Variants in SGCD observed in about 807,000 individuals in gnomAD.
SGCD encodes delta-sarcoglycan.
A neutral mutation model predicts 36.6 loss-of-function variants in SGCD; 18 were observed. The observed-to-expected ratio is 0.49, with a 90% confidence interval of 0.34 to 0.73. The LOEUF (loss-of-function observed/expected upper bound fraction) is 0.73, where lower values mean the gene tolerates loss of function less well. SGCD is among the 30% of genes least tolerant of loss of function. SGCD has a pLI of 0.01. For missense variants in SGCD, 387 were observed against 346.7 expected, an observed-to-expected ratio of 1.12 and a Z score of -0.92; for synonymous variants, 133 against 130.6, an observed-to-expected ratio of 1.02 and a Z score of -0.12.
At chr5:156,229,289 T>C (rs1363207388) in intron 3 of SGCD, among the ~76,000 whole-genome samples, 2 of 119,886 alleles carry the variant, frequency 1.7e-5, no homozygotes, top group Non-Finnish European at 3.4e-5. Context: ...TATATATATA[T>C]ATATATATAT....
At position 156,763,643 on chromosome 5, in the gene SGCD, G is replaced by T. The variant is rs1341482253; in HGVS notation, c.*4253G>T. The stretch of plus-strand genomic sequence containing the variant: ...GACATCTCTGCTTGTGTGTGGTAAG[G>T]CAGGTTCCTATCAGACATTTATCCC... On this transcript the variant is annotated 3_prime_UTR_variant, in exon 9 of 9. Transcript: ENST00000337851. The T allele has an allele frequency of 6.6e-6, 1 of 151,944 alleles. No homozygotes were observed. Among genetic ancestry groups the T allele is most frequent in the Non-Finnish European group, 1.5e-5 (1 of 68,020 alleles). 9.4% of individuals were successfully genotyped at this position (151,944 alleles called of 1,614,324 possible). A position where few individuals can be genotyped will look rare whatever the true frequency, so the allele number is the denominator to read the frequency against.
chr5:156,756,565 A>C (rs777452106), intron 7 of SGCD, among the ~76,000 whole-genome samples: 12 of 152,170 alleles, frequency 7.9e-5, no homozygotes, highest in African/African-American at 2.7e-4. Flanking sequence ...TAAAATTAGA[A>C]TATTTAGGGG....
At chr5:156,744,711 T>A (rs1756863062) in intron 7 of SGCD, among the ~76,000 whole-genome samples, 1 of 152,246 alleles carries the variant, frequency 6.6e-6, no homozygotes, top group Non-Finnish European at 1.5e-5. Context: ...AATGGAGCCA[T>A]GATCAACAAA....
intron 3 of SGCD, among the ~76,000 whole-genome samples, chr5:156,136,155 C>T (rs1762451216): frequency 6.6e-6 from 1 of 152,260 alleles, no homozygotes; most frequent in South Asian, 2.1e-4. Flanking sequence ...CTCTGTTGCC[C>T]AGCCTAGGAT....
chr5:156,399,026 T>C (rs1348649856), intron 3 of SGCD, among the ~76,000 whole-genome samples: 1 of 152,368 alleles, frequency 6.6e-6, no homozygotes, highest in African/African-American at 2.4e-5. Context: ...GAAAGTTCTA[T>C]TGGATTGCTA....
At chr5:155,950,859 G>T (rs1454409817) in intron 1 of SGCD, among the ~76,000 whole-genome samples, 1 of 152,084 alleles carries the variant, frequency 6.6e-6, no homozygotes, top group African/African-American at 2.4e-5. Flanking sequence ...TGTGCTGAAG[G>T]CAGGAAACCC....
At chr5:156,260,993 C>T (rs181145142) in intron 3 of SGCD, among the ~76,000 whole-genome samples, 2 of 152,176 alleles carry the variant, frequency 1.3e-5, no homozygotes, top group Non-Finnish European at 2.9e-5. Context: ...TCATATTCCT[C>T]TTGCATTTCT....
At chr5:156,678,815 T>C (rs1428524173) in intron 7 of SGCD, among the ~76,000 whole-genome samples, 1 of 152,222 alleles carries the variant, frequency 6.6e-6, no homozygotes, top group Non-Finnish European at 1.5e-5. Flanking sequence ...GAGCAGTGTA[T>C]GCCCTATTAA....
chr5:155,767,214 A>G, the SGCD span, among the ~76,000 whole-genome samples: 1 of 152,172 alleles, frequency 6.6e-6, no homozygotes, highest in Non-Finnish European at 1.5e-5. Context: ...TGCGCTTTCC[A>G]TCGGCTCTCA....
At chr5:156,735,612 C>T (rs1280883798) in intron 7 of SGCD, among the ~76,000 whole-genome samples, 1 of 152,204 alleles carries the variant, frequency 6.6e-6, no homozygotes, top group African/African-American at 2.4e-5. Flanking sequence ...AAGATGACAG[C>T]CTGCCCCTCC....
At chr5:156,153,423 C>T (rs1318012639) in intron 3 of SGCD, among the ~76,000 whole-genome samples, 3 of 151,476 alleles carry the variant, frequency 2.0e-5, no homozygotes, top group East Asian at 1.9e-4. Context: ...AGTTAGAAAT[C>T]GGATCTTCAA....
intron 6 of SGCD, among the ~76,000 whole-genome samples, chr5:156,630,411 T>C (rs1225266575): frequency 6.6e-6 from 1 of 152,186 alleles, no homozygotes; most frequent in African/African-American, 2.4e-5. Flanking sequence ...GATTCCCTGT[T>C]TCTAAACAAG....
intron 6 of SGCD, among the ~76,000 whole-genome samples, chr5:156,643,954 A>T (rs1763136277): frequency 6.6e-6 from 1 of 152,120 alleles, no homozygotes; most frequent in Admixed American, 6.6e-5. Flanking sequence ...TTTAAACCCA[A>T]CGATGATTTT....
At chr5:156,140,286 GC>G (rs1762547836) in intron 3 of SGCD, among the ~76,000 whole-genome samples, 1 of 152,154 alleles carries the variant, frequency 6.6e-6, no homozygotes, top group African/African-American at 2.4e-5. Flanking sequence ...TCTGGAAAAA[GC>G]CCGTATTGCT....
At chr5:156,387,322 C>T (rs549354235) in intron 3 of SGCD, among the ~76,000 whole-genome samples, 5 of 152,200 alleles carry the variant, frequency 3.3e-5, no homozygotes, top group South Asian at 2.1e-4. Context: ...TATTGAACAC[C>T]GGATTCAGAA....
intron 3 of SGCD, among the ~76,000 whole-genome samples, chr5:156,235,424 C>T (rs1169790035): frequency 6.6e-6 from 1 of 152,188 alleles, no homozygotes; most frequent in Non-Finnish European, 1.5e-5. Context: ...TGACGTGTCA[C>T]CTCAGCAAGC....
intron 3 of SGCD, among the ~76,000 whole-genome samples, chr5:156,315,840 A>G (rs1021958916): frequency 5.9e-5 from 9 of 151,948 alleles, no homozygotes; most frequent in Admixed American, 2.0e-4. Flanking sequence ...TGTCCCTGTT[A>G]GCCATTTGTA....
chr5:156,686,713 C>T (rs1015529385), intron 7 of SGCD, among the ~76,000 whole-genome samples: 2 of 152,164 alleles, frequency 1.3e-5, no homozygotes, highest in South Asian at 2.1e-4. Flanking sequence ...CAAGGTGCTT[C>T]GAGGTAACCA....
intron 1 of SGCD, among the ~76,000 whole-genome samples, chr5:156,043,044 A>G (rs561015689): frequency 6.6e-6 from 1 of 152,316 alleles, no homozygotes; most frequent in African/African-American, 2.4e-5. Flanking sequence ...GGAATGATTA[A>G]GGACAGTTTG....
Sources: gnomAD v4.1 joint callset for allele counts (sites outside exome capture counted in the v4.1 genomes callset) on GRCh38, gnomAD v4.1.1 for gene constraint, MANE v1.5 for transcripts, NCBI Gene and HGNC (gene_info 2026-07-23, HGNC 2026-07-21) for gene names.